STOX2: variants seen among roughly 807,000 people sequenced by gnomAD.
STOX2 encodes storkhead-box protein 2.
A neutral mutation model predicts 60.9 loss-of-function variants in STOX2; 28 were observed. The ratio of observed to expected loss-of-function variants is 0.46; its 90% confidence interval spans 0.34 to 0.63. The LOEUF is 0.63. Ranked by LOEUF, STOX2 falls within the 30% of genes least tolerant of loss-of-function variation. STOX2 has a pLI of 0.01. For synonymous variants in STOX2, 472 were observed against 463.9 expected (o/e 1.02, Z -0.22); for missense variants, 1,024 against 1,187.7 (o/e 0.86, Z 2.03).
intron 1 of STOX2, among the ~76,000 whole-genome samples, chr4:183,916,072 G>A (rs1228655736): frequency 3.3e-5 from 5 of 152,266 alleles, no homozygotes; most frequent in Admixed American, 3.3e-4. Flanking sequence ...CCACCCAGTG[G>A]ATATTCCCTT....
At chr4:183,873,377 C>T (rs373265574) in intron 1 of STOX2, among the ~76,000 whole-genome samples, 5 of 143,162 alleles carry the variant, frequency 3.5e-5, no homozygotes, top group African/African-American at 1.0e-4. Context: ...ATCTGGGAGG[C>T]GGAGGTTGCG....
At chr4:183,921,761 G>A (rs1270490176) in intron 1 of STOX2, among the ~76,000 whole-genome samples, 1 of 152,048 alleles carries the variant, frequency 6.6e-6, no homozygotes, top group Non-Finnish European at 1.5e-5. Context: ...GACCAAAATT[G>A]CTTTTAAACA....
rs1734470891 is a variant in STOX2 at position 184,018,763 on chromosome 4, A to G, written c.*1479A>G. 6.6e-6 allele frequency: 1 copy of G among 152,250 alleles called. No homozygotes were observed. Among genetic ancestry groups the G allele is most frequent in the African/African-American group, 2.4e-5 (1 of 41,464 alleles). The allele number at this position is 152,250 out of a possible 1,614,324, so 9.4% of individuals were successfully genotyped here. A position where few individuals can be genotyped will look rare whatever the true frequency, so the allele number is the denominator to read the frequency against. On this transcript the variant is annotated 3_prime_UTR_variant, in exon 4 of 4. Transcript: ENST00000308497. ...TAATTTCATCTTATAGCAAGGAGAC[A>G]TTCCAACGTTCCCATGTTTTATTTT... is the stretch of plus-strand genomic sequence containing the variant.
chr4:183,927,382 A>T (rs1255147806), intron 1 of STOX2, among the ~76,000 whole-genome samples: 1 of 152,194 alleles, frequency 6.6e-6, no homozygotes, highest in Non-Finnish European at 1.5e-5. Flanking sequence ...GCAATCTTTG[A>T]TTTAATGTTA....
At chr4:183,852,571 G>GA (rs1740180746) in intron 1 of STOX2, among the ~76,000 whole-genome samples, 1 of 151,934 alleles carries the variant, frequency 6.6e-6, no homozygotes, top group African/African-American at 2.4e-5. Flanking sequence ...GAAAGGATGA[G>GA]GGAAAGGATG....
intron 1 of STOX2, among the ~76,000 whole-genome samples, chr4:183,928,741 G>A (rs13151199): frequency 6.6e-6 from 1 of 151,314 alleles, no homozygotes; most frequent in Non-Finnish European, 1.5e-5. Context: ...GGAGGCAGAG[G>A]TTGCAGTGAG....
At chr4:183,858,571 T>C (rs1046878354) in intron 1 of STOX2, among the ~76,000 whole-genome samples, 3 of 151,476 alleles carry the variant, frequency 2.0e-5, no homozygotes, top group African/African-American at 7.3e-5. Context: ...TGGTGGAAAA[T>C]AATTAGAAAA....
intron 1 of STOX2, among the ~76,000 whole-genome samples, chr4:183,914,215 G>T (rs1034386216): frequency 6.6e-6 from 1 of 152,138 alleles, no homozygotes; most frequent in South Asian, 2.1e-4. Flanking sequence ...TTCTTTGTAA[G>T]TGGTTGGGTT....
chr4:183,877,145 G>T (rs1193889837), intron 1 of STOX2, among the ~76,000 whole-genome samples: 7 of 152,216 alleles, frequency 4.6e-5, no homozygotes, highest in African/African-American at 1.2e-4. Flanking sequence ...GGCAGAATTT[G>T]CTGAGTCTTC....
At position 184,002,009 on chromosome 4, in the gene STOX2, G is replaced by A. The variant is rs376104601; in HGVS notation, c.319+532G>A. ...CAACAGCCCAGCTGCTGTGTGAGAG[G>A]CATTTGACGCTTTCAGTGCTGGAAG... On this transcript the variant is annotated intron_variant, in intron 2 of 3. Coordinates refer to ENST00000308497, the MANE Select transcript of STOX2 (RefSeq NM_020225.3). Among the ~76,000 whole-genome samples, 14 of 152,182 alleles carry A rather than the reference G, an allele frequency of 9.2e-5. No homozygotes were observed. The East Asian group carries it at 1.9e-3, about 21-fold the overall frequency.
At chr4:183,879,053 C>T (rs761926930) in intron 1 of STOX2, among the ~76,000 whole-genome samples, 2 of 152,020 alleles carry the variant, frequency 1.3e-5, no homozygotes, top group Admixed American at 6.5e-5. Flanking sequence ...CATGTGCCCA[C>T]AGCCTGTTTC....
chr4:183,851,764 T>C (rs1315195075), intron 1 of STOX2, among the ~76,000 whole-genome samples: 1 of 104,960 alleles, frequency 9.5e-6, no homozygotes, highest in Non-Finnish European at 1.9e-5. Flanking sequence ...AGAGAAAGGA[T>C]GAGAGAAAGG....
At chr4:183,817,140 A>G (rs938941202) in intron 1 of STOX2, among the ~76,000 whole-genome samples, 3 of 152,236 alleles carry the variant, frequency 2.0e-5, no homozygotes, top group African/African-American at 7.2e-5. Flanking sequence ...AAGCTTTGAA[A>G]TGGTGTCCAC....
At chr4:183,984,007 C>T (rs1450363533) in intron 1 of STOX2, among the ~76,000 whole-genome samples, 1 of 152,186 alleles carries the variant, frequency 6.6e-6, no homozygotes, top group South Asian at 2.1e-4. Context: ...GTAATGAACC[C>T]TCAGCCCCAG....
At chr4:183,947,440 T>C (rs191191484) in intron 1 of STOX2, among the ~76,000 whole-genome samples, 1 of 152,266 alleles carries the variant, frequency 6.6e-6, no homozygotes, top group East Asian at 1.9e-4. Context: ...TCTCAGGCAA[T>C]ACACATCTCA....
At chr4:183,975,981 T>A (rs1162996184) in intron 1 of STOX2, among the ~76,000 whole-genome samples, 1 of 152,020 alleles carries the variant, frequency 6.6e-6, no homozygotes, top group Non-Finnish European at 1.5e-5. Flanking sequence ...CATGACCGAG[T>A]GGATTTAGGC....
chr4:183,848,824 G>C (rs1011621110), intron 1 of STOX2, among the ~76,000 whole-genome samples: 2 of 152,208 alleles, frequency 1.3e-5, no homozygotes, highest in Non-Finnish European at 2.9e-5. Flanking sequence ...TCAACTCTGA[G>C]CCAAAGTAAG....
intron 1 of STOX2, among the ~76,000 whole-genome samples, chr4:183,843,111 G>C (rs906500629): frequency 7.2e-5 from 10 of 139,820 alleles, no homozygotes; most frequent in Admixed American, 2.3e-4. Context: ...TCGCGCCACC[G>C]TACTCCACCC....
chr4:183,949,509 C>T (rs1293544965), intron 1 of STOX2, among the ~76,000 whole-genome samples: 9 of 152,054 alleles, frequency 5.9e-5, no homozygotes, highest in East Asian at 1.9e-4. Context: ...ACCAGCCTGG[C>T]CAACATGATG....
Sources: gnomAD v4.1 joint callset for allele counts (sites outside exome capture counted in the v4.1 genomes callset) on GRCh38, gnomAD v4.1.1 for gene constraint, MANE v1.5 for transcripts, NCBI Gene and HGNC (gene_info 2026-07-23, HGNC 2026-07-21) for gene names.